The following ZNF131 variants were observed in gnomAD, a reference collection of about 807,000 sequenced individuals.
ZNF131 encodes zinc finger protein 131.
Under a neutral mutation model 60.0 loss-of-function variants are expected in ZNF131, and 7 were observed. The ratio of observed to expected loss-of-function variants is 0.12; its 90% confidence interval spans 0.07 to 0.22. ZNF131 has a LOEUF of 0.22. ZNF131 is among the 10% of genes least tolerant of loss of function. The pLI is 1.00. For missense variants in ZNF131, 493 were observed against 740.9 expected (o/e 0.67, Z 3.88); for synonymous variants, 257 against 253.2 (o/e 1.01, Z -0.14).
chr5:43,145,932 T>C (rs988659089), intron 4 of ZNF131, among the ~76,000 whole-genome samples: 1 of 152,198 alleles, frequency 6.6e-6, no homozygotes, highest in Non-Finnish European at 1.5e-5. Context: ...AGTTGATCCT[T>C]AAGCGGAAAG....
rs758611606 is a variant in ZNF131, at chr5:43,161,561, G to A, written c.684G>A (p.Gly228=). The change falls in exon 5 of 7, where the codon GGG becomes GGA. Residue 228 remains glycine (G), a synonymous_variant. Transcript: ENST00000682664. ...TSKYRQGDRK[G]QIKEDGCPSD... ...AGTACCGTCAAGGTGACAGAAAAGGGCAGATTAAAGAAGATGGCTGTCCAT... is the reference window on the plus strand; with the variant it reads ...AGTACCGTCAAGGTGACAGAAAAGGACAGATTAAAGAAGATGGCTGTCCAT... The A allele has an allele frequency of 2.5e-6, 4 of 1,614,254 alleles. No homozygotes were observed. In the South Asian group the frequency reaches 4.4e-5, roughly 18 times the overall value.
At chr5:43,136,955 A>G (rs1001207311) in intron 3 of ZNF131, among the ~76,000 whole-genome samples, 1 of 152,196 alleles carries the variant, frequency 6.6e-6, no homozygotes, top group South Asian at 2.1e-4. Flanking sequence ...AGAATGCACA[A>G]TAAGGAAGGA....
At chr5:43,165,301 CCT>C (rs2112013968) in intron 5 of ZNF131, among the ~76,000 whole-genome samples, 1 of 143,248 alleles carries the variant, frequency 7.0e-6, no homozygotes, top group South Asian at 2.4e-4. Flanking sequence ...TCTTTTGAGA[CCT>C]CTCTCTTTGG....
rs569609716 is a variant in ZNF131, at chr5:43,123,270, C to T, written c.186C>T (p.Phe62=). Residue 62 remains phenylalanine (F), a synonymous_variant, in exon 3 of 7, where the codon TTC becomes TTT. Transcript: ENST00000682664. ...CTTGTAGTAAGTTCTTCTACAAATT[C>T]TTTCAGGAGTTTACCCAAGAACCAT... ...LAACSKFFYK[F]FQEFTQEPLV... is the part of the protein sequence containing the mutation. 2 of 1,611,846 alleles carry T rather than the reference C, an allele frequency of 1.2e-6. No individual in the cohort carries two copies. The highest frequency in any genetic ancestry group is 1.1e-5 in the South Asian group (1 of 90,534).
chr5:43,148,041 T>G (rs1213398530), intron 4 of ZNF131, among the ~76,000 whole-genome samples: 1 of 128,922 alleles, frequency 7.8e-6, no homozygotes, highest in African/African-American at 2.7e-5. Context: ...GCGACAAGAG[T>G]GCTTTTTTTT....
At chr5:43,136,619 T>C (rs1346883665) in intron 3 of ZNF131, among the ~76,000 whole-genome samples, 3 of 130,786 alleles carry the variant, frequency 2.3e-5, no homozygotes, top group Admixed American at 1.7e-4. Context: ...CACCCCCATC[T>C]AATTTTTTTC....
At chr5:43,121,612 G>A (rs1743819076) in intron 1 of ZNF131, 1 of 154,392 alleles carries the variant, frequency 6.5e-6, no homozygotes, top group Non-Finnish European at 1.4e-5. Flanking sequence ...AGGGAGGGCG[G>A]GGGAGGGAGA....
chr5:43,159,432 A>G (rs1749360671), intron 4 of ZNF131, among the ~76,000 whole-genome samples: 1 of 151,964 alleles, frequency 6.6e-6, no homozygotes, highest in African/African-American at 2.4e-5. Flanking sequence ...AGTGGCTCTT[A>G]CCGGTAATTC....
At chr5:43,162,969 CT>C (rs1205635519) in intron 5 of ZNF131, among the ~76,000 whole-genome samples, 29 of 64,922 alleles carry the variant, frequency 4.5e-4, no homozygotes, top group African/African-American at 6.1e-4. Flanking sequence ...TTTTATTTGC[CT>C]TTTTTTTTTT....
At chr5:43,159,114 T>C (rs919242813) in intron 4 of ZNF131, among the ~76,000 whole-genome samples, 7 of 152,172 alleles carry the variant, frequency 4.6e-5, no homozygotes, top group Non-Finnish European at 1.0e-4. Context: ...TAAGATTGAT[T>C]TATATTATAG....
At chr5:43,127,946 A>G (rs1301258037) in intron 3 of ZNF131, among the ~76,000 whole-genome samples, 1 of 152,208 alleles carries the variant, frequency 6.6e-6, no homozygotes, top group African/African-American at 2.4e-5. Context: ...GTGTCCAGAA[A>G]TTTTAGCCCC....
chr5:43,130,995 C>A (rs756032623), intron 3 of ZNF131, among the ~76,000 whole-genome samples: 7 of 152,104 alleles, frequency 4.6e-5, no homozygotes, highest in African/African-American at 1.7e-4. Context: ...TCCTGAGTAG[C>A]TGGGATTACA....
chr5:43,134,353 G>A (rs749175900), intron 3 of ZNF131, among the ~76,000 whole-genome samples: 2 of 152,094 alleles, frequency 1.3e-5, no homozygotes, highest in Non-Finnish European at 2.9e-5. Flanking sequence ...TTAAACAAAC[G>A]AGGAATAGAA....
intron 3 of ZNF131, among the ~76,000 whole-genome samples, chr5:43,131,298 G>A (rs1745323180): frequency 6.6e-6 from 1 of 151,786 alleles, no homozygotes; most frequent in Non-Finnish European, 1.5e-5. Flanking sequence ...TCAGCCTCCC[G>A]AGTAACTGGG....
rs1751554149 is a variant in ZNF131, at chr5:43,176,214, T to C, written c.*1081T>C. The C allele has an allele frequency of 1.3e-5, 2 of 152,204 alleles. No individual in the cohort carries two copies. Among genetic ancestry groups the C allele is most frequent in the Non-Finnish European group, 2.9e-5 (2 of 68,028 alleles). The allele number at this position is 152,204 out of a possible 1,614,324, so 9.4% of individuals were successfully genotyped here. On this transcript the variant is annotated 3_prime_UTR_variant, in exon 7 of 7. Coordinates refer to ENST00000682664, the MANE Select transcript of ZNF131 (RefSeq NM_001330707.2). ...TAGGTGTGTAAATATTTTTAATCAGTATTACTTGGAAAATAAAATATAACA... is the reference window on the plus strand; with the variant it reads ...TAGGTGTGTAAATATTTTTAATCAGCATTACTTGGAAAATAAAATATAACA...
intron 3 of ZNF131, among the ~76,000 whole-genome samples, chr5:43,135,707 C>T (rs566562300): frequency 7.2e-5 from 11 of 152,180 alleles, no homozygotes; most frequent in African/African-American, 2.2e-4. Flanking sequence ...GGCGACAGAG[C>T]GAGACTCCGT....
At chr5:43,126,301 C>G (rs76504078) in intron 3 of ZNF131, among the ~76,000 whole-genome samples, 1 of 152,282 alleles carries the variant, frequency 6.6e-6, no homozygotes, top group African/African-American at 2.4e-5. Context: ...CTTTAGCGGG[C>G]AGTTAACCTG....
chr5:43,170,717 C>T (rs1009330980), intron 5 of ZNF131, among the ~76,000 whole-genome samples: 23 of 151,518 alleles, frequency 1.5e-4, no homozygotes, highest in African/African-American at 5.1e-4. Context: ...ACTGCAACCT[C>T]CGCCTCCCAG....
At position 43,174,737 on chromosome 5, in the gene ZNF131, A is replaced by C; in HGVS notation, c.1476A>C (p.Gln492His). The change falls in exon 7 of 7, where the codon CAA becomes CAC. Residue 492 changes from glutamine to histidine, a missense_variant. Around this residue, in one of 7 missense-constraint regions of ZNF131, gnomAD observed 202 missense variants for 221.3 expected, o/e 0.91. Coordinates refer to ENST00000682664, the MANE Select transcript of ZNF131 (RefSeq NM_001330707.2). ...PLLQVQVDSA[Q>H]VTVEQVHPDL... The stretch of plus-strand genomic sequence containing the variant: ...TTCAGGTTCAGGTGGATTCAGCACA[A>C]GTGACTGTGGAACAAGTCCATCCAG... 6.2e-7 allele frequency: 1 copy of C among 1,614,224 alleles called. No homozygotes were observed. Among genetic ancestry groups the C allele is most frequent in the Non-Finnish European group, 8.5e-7 (1 of 1,180,044 alleles).
Sources: gnomAD v4.1 joint callset for allele counts (sites outside exome capture counted in the v4.1 genomes callset) on GRCh38, gnomAD v4.1.1 for gene constraint, gnomAD v4.1.1 regional missense constraint, MANE v1.5 for transcripts, NCBI Gene and HGNC (gene_info 2026-07-23, HGNC 2026-07-21) for gene names.